The following INCENP variants were observed in gnomAD, a reference collection of about 807,000 sequenced individuals.
INCENP encodes inner centromere protein.
INCENP carries 43 observed loss-of-function variants against 107.3 expected under a neutral mutation model. That is an observed-to-expected ratio of 0.40 (90% CI 0.31 to 0.52). INCENP has a LOEUF of 0.52. Among genes scored for constraint, INCENP ranks in the 20% least tolerant of loss-of-function variants. The probability of loss-of-function intolerance (pLI) is 0.53; values close to 1 mark genes in which losing one functional copy is unlikely to be tolerated. For missense variants in INCENP, 1,089 were observed against 1,250.9 expected, an observed-to-expected ratio of 0.87 and a Z score of 1.95; for synonymous variants, 488 against 494.4, an observed-to-expected ratio of 0.99 and a Z score of 0.17.
At chr11:62,144,713 G>C (rs998237891) in intron 11 of INCENP, 2 of 730,078 alleles carry the variant, frequency 2.7e-6, no homozygotes, top group Non-Finnish European at 5.1e-6. Flanking sequence ...CCTGACTTTT[G>C]TGTTGCCCAA....
intron 11 of INCENP, among the ~76,000 whole-genome samples, chr11:62,144,337 A>C (rs1590624029): frequency 1.8e-4 from 1 of 5,694 alleles, no homozygotes. Context: ...TCTCCACACA[A>C]AAAAAAAAAA....
intron 18 of INCENP, among the ~76,000 whole-genome samples, chr11:62,151,049 G>A (rs1944361525): frequency 6.6e-6 from 1 of 152,194 alleles, no homozygotes; most frequent in Non-Finnish European, 1.5e-5. Flanking sequence ...CAGTGAGCAG[G>A]AGCCAGCTCG....
intron 15 of INCENP, 81 bp downstream of exon 15, chr11:62,146,983 C>CA: frequency 6.4e-7 from 1 of 1,559,640 alleles, no homozygotes; most frequent in South Asian, 1.2e-5. Flanking sequence ...GACACAGCCC[C>CA]ACCTGCATGT....
Position 62,130,108 on chromosome 11 carries a change from G to T in INCENP, c.581G>T (p.Arg194Leu), listed in dbSNP as rs142399783. The T allele has an allele frequency of 1.2e-6, 2 of 1,613,406 alleles. No homozygotes were observed. The highest frequency in any genetic ancestry group is 1.6e-4 in the Middle Eastern group (1 of 6,062). Residue 194 changes from arginine to leucine, a missense_variant, in exon 4 of 19, where the codon CGC (arginine) becomes CTC (leucine). Coordinates refer to ENST00000394818, the MANE Select transcript of INCENP (RefSeq NM_001040694.2). ...TQLMSTEPLP[R>L]TLSPTPASAT... ...CTCATGTCCACCGAGCCTCTGCCCC[G>T]CACTCTGTCCCCGACTCCAGCTTCA...
chr11:62,149,509 G>A (rs2134684153), intron 17 of INCENP, among the ~76,000 whole-genome samples: 1 of 152,300 alleles, frequency 6.6e-6, no homozygotes, highest in East Asian at 1.9e-4. Context: ...TGCAAATCCT[G>A]GAGTCTCCTT....
intron 11 of INCENP, 22 bp downstream of exon 11, chr11:62,141,533 C>T (rs907411565): frequency 1.7e-5 from 28 of 1,613,864 alleles, no homozygotes; most frequent in Admixed American, 8.3e-5. Context: ...CTTTTCCTGT[C>T]GGTAACCTCG....
At chr11:62,129,401 G>A (rs906170060) in intron 3 of INCENP, among the ~76,000 whole-genome samples, 15 of 152,148 alleles carry the variant, frequency 9.9e-5, no homozygotes, top group Admixed American at 1.3e-4. Context: ...CTGAGCCTCC[G>A]TTCCTCATCC....
intron 4 of INCENP, 96 bp from the exon 5 acceptor site, chr11:62,137,736 G>T (rs1688585618): frequency 3.8e-6 from 4 of 1,057,988 alleles, no homozygotes; most frequent in Admixed American, 1.7e-5. Flanking sequence ...GGGAGCAGTG[G>T]CCAGGCCCTT....
rs1037625324 is a variant in INCENP at position 62,146,710 on chromosome 11, A to T, written c.2012A>T (p.Glu671Val). ...QELLQKKKEE[E>V]QERLRKAAEA... ...CTGCTGCAGAAGAAGAAGGAAGAGG[A>T]GCAGGAGCGGCTGCGGAAGGCGGCC... Residue 671 changes from glutamate to valine, a missense_variant, in exon 15 of 19, where the codon GAG becomes GTG. By Grantham distance (121) the Glu-to-Val change is moderately radical (BLOSUM62 -2). Transcript: ENST00000394818. 1.3e-6 allele frequency: 2 copies of T among 1,550,450 alleles called. No individual in the cohort carries two copies. The highest frequency in any genetic ancestry group is 3.9e-5 in the Admixed American group (2 of 50,948).
At chr11:62,137,068 T>C (rs928569653) in intron 4 of INCENP, among the ~76,000 whole-genome samples, 1 of 151,940 alleles carries the variant, frequency 6.6e-6, no homozygotes, top group African/African-American at 2.4e-5. Flanking sequence ...AATTCTCTGC[T>C]CTGGACCAGG....
chr11:62,150,308 T>C, intron 18 of INCENP, 101 bp downstream of exon 18: 1 of 1,272,214 alleles, frequency 7.9e-7, no homozygotes, highest in Non-Finnish European at 1.1e-6. Flanking sequence ...GTTGGGAGGC[T>C]GCCGTGTGCT....
At position 62,146,869 on chromosome 11, in the gene INCENP, G is replaced by A. The variant is rs377089856; in HGVS notation, c.2171G>A (p.Arg724His). 5.1e-5 allele frequency: 81 copies of A among 1,592,192 alleles called. No homozygotes were observed. The East Asian group carries it at 1.0e-3, about 20-fold the overall frequency. The change falls in exon 15 of 19, where the codon CGT (arginine) becomes CAT (histidine). Residue 724 changes from arginine (R) to histidine (H), a missense_variant. Coordinates refer to ENST00000394818, the MANE Select transcript of INCENP (RefSeq NM_001040694.2). ...GAGCGACAGCTGGCAGAGCAGGAGC[G>A]TCGGCGGGAGCAGGAGCGGCTCCAG... ...EQERQLAEQERRREQERLQAE... is the reference protein window; with the variant it reads ...EQERQLAEQEHRREQERLQAE...
At chr11:62,148,592 C>T (rs569453449) in intron 16 of INCENP, 38 bp downstream of exon 16, 51 of 1,575,158 alleles carry the variant, frequency 3.2e-5, no homozygotes, top group Non-Finnish European at 4.1e-5. Context: ...CTGGGGTCTG[C>T]CCTGAGCTGT....
rs1415512841 is a variant in INCENP at position 62,140,993 on chromosome 11, C to T, written c.1542C>T (p.Ser514=). The change falls in exon 10 of 19, where the codon AGC becomes AGT. Residue 514 remains serine, a synonymous_variant. Coordinates refer to ENST00000394818, the MANE Select transcript of INCENP (RefSeq NM_001040694.2). ...MLMTPTSAPR[S]VMKSFIKRNT... ...TGACCCCGACCTCAGCCCCACGCAG[C>T]GTCATGAAGTCCTTTATTAAGCGCA... is the stretch of plus-strand genomic sequence containing the variant. The T allele has an allele frequency of 4.3e-6, 7 of 1,614,014 alleles. No individual in the cohort carries two copies. The East Asian group carries it at 8.9e-5, about 21-fold the overall frequency.
chr11:62,138,834 T>C, intron 6 of INCENP, 54 bp from the exon 7 acceptor site: 1 of 1,605,280 alleles, frequency 6.2e-7, no homozygotes, highest in Non-Finnish European at 8.5e-7. Flanking sequence ...ACTACGGCCA[T>C]CCTGGGCCTT....
At chr11:62,150,282 G>A in intron 18 of INCENP, 75 bp downstream of exon 18, 2 of 1,519,610 alleles carry the variant, frequency 1.3e-6, no homozygotes, top group Non-Finnish European at 1.8e-6. Context: ...GGAAGTAGTG[G>A]GTTGGCTGCT....
At chr11:62,151,368 G>C (rs755791161) in intron 18 of INCENP, among the ~76,000 whole-genome samples, 1 of 152,206 alleles carries the variant, frequency 6.6e-6, no homozygotes, top group Non-Finnish European at 1.5e-5. Flanking sequence ...GGCCAAGGTG[G>C]TCAAGGATGG....
chr11:62,145,386 C>A, intron 13 of INCENP, 97 bp downstream of exon 13: 2 of 1,531,250 alleles, frequency 1.3e-6, no homozygotes, highest in Non-Finnish European at 1.8e-6. Flanking sequence ...CACTGTACCC[C>A]TGTACCCATC....
rs1226179832 is a variant in INCENP at position 62,141,500 on chromosome 11, T to C, written c.1594T>C (p.Cys532Arg). 1 of 1,613,928 alleles carries C rather than the reference T, an allele frequency of 6.2e-7. No individual in the cohort carries two copies. Among genetic ancestry groups the C allele is most frequent in the African/African-American group, 1.3e-5 (1 of 74,938 alleles). The change falls in exon 11 of 19, where the codon TGC becomes CGC. Residue 532 changes from cysteine to arginine, a missense_variant and splice_region_variant. Physicochemically the swap from Cys to Arg is radical, Grantham distance 180. Coordinates refer to ENST00000394818, the MANE Select transcript of INCENP (RefSeq NM_001040694.2). ...RNTPLRMDPK[C>R]SFVEKERQRL... Reference sequence around the variant, plus strand: ...GCCTTTTCCCTTGTCTCCTCCACAGTGCAGCTTCGTCGTAAGTAAAGCCTT... The same window carrying C: ...GCCTTTTCCCTTGTCTCCTCCACAGCGCAGCTTCGTCGTAAGTAAAGCCTT...
Sources: gnomAD v4.1 joint callset for allele counts (sites outside exome capture counted in the v4.1 genomes callset) on GRCh38, gnomAD v4.1.1 for gene constraint, MANE v1.5 for transcripts, NCBI Gene and HGNC (gene_info 2026-07-23, HGNC 2026-07-21) for gene names.